The following GRIA4 variants were observed in gnomAD, a reference collection of about 807,000 sequenced individuals.
GRIA4 encodes glutamate ionotropic receptor AMPA type subunit 4.
GRIA4 carries 34 observed loss-of-function variants against 104.0 expected under a neutral mutation model. The observed-to-expected ratio is 0.33, with a 90% CI of 0.25 to 0.44. GRIA4 has a LOEUF of 0.44. Among genes scored for constraint, GRIA4 ranks in the 20% least tolerant of loss-of-function variants. GRIA4 has a pLI of 1.00. For synonymous variants in GRIA4, 386 were observed against 381.9 expected (o/e 1.01, Z -0.13); for missense variants, 750 against 1,096.5 (o/e 0.68, Z 4.46).
At chr11:105,829,680 G>C (rs1943903635) in intron 4 of GRIA4, among the ~76,000 whole-genome samples, 1 of 151,956 alleles carries the variant, frequency 6.6e-6, no homozygotes, top group East Asian at 1.9e-4. Flanking sequence ...AGAGGTGCTG[G>C]TGTCTGTTTG....
At chr11:105,760,260 AC>A (rs918105153) in intron 4 of GRIA4, among the ~76,000 whole-genome samples, 1 of 152,108 alleles carries the variant, frequency 6.6e-6, no homozygotes, top group African/African-American at 2.4e-5. Flanking sequence ...ACCGTATCTA[AC>A]CAATCATTAA....
intron 5 of GRIA4, among the ~76,000 whole-genome samples, chr11:105,876,834 T>C (rs1945845236): frequency 6.6e-6 from 1 of 152,202 alleles, no homozygotes; most frequent in African/African-American, 2.4e-5. Context: ...GGTCGCTGAA[T>C]ACAGCACACC....
intron 16 of GRIA4, among the ~76,000 whole-genome samples, chr11:105,978,849 T>A (rs1192472582): frequency 6.6e-6 from 1 of 152,228 alleles, no homozygotes; most frequent in Non-Finnish European, 1.5e-5. Context: ...TGTAATGTGA[T>A]AAGGAGCAGG....
chr11:105,866,919 A>G (rs1945441017), intron 5 of GRIA4, among the ~76,000 whole-genome samples: 1 of 152,094 alleles, frequency 6.6e-6, no homozygotes, highest in African/African-American at 2.4e-5. Flanking sequence ...GATAGTAAGG[A>G]CTGACCTTAG....
rs373309658 is a variant in GRIA4 at position 105,646,293 on chromosome 11, T to C, written c.247+33859T>C. 2.6e-5 allele frequency among the ~76,000 whole-genome samples: 4 copies of C among 152,252 alleles called. No individual in the cohort carries two copies. In the East Asian group the frequency reaches 7.7e-4, roughly 29 times the overall value. ...ATTGAAGATTCAGAGGAAAATATAA[T>C]TGTTTACACAGTAATTCAAGATGGA... is the stretch of plus-strand genomic sequence containing the variant. On this transcript the variant is annotated intron_variant, in intron 3 of 16. Coordinates refer to ENST00000282499, the MANE Select transcript of GRIA4 (RefSeq NM_000829.4).
intron 3 of GRIA4, among the ~76,000 whole-genome samples, chr11:105,615,061 G>C (rs1000806528): frequency 6.6e-5 from 10 of 151,850 alleles, no homozygotes; most frequent in African/African-American, 2.2e-4. Flanking sequence ...TATGTGGCTG[G>C]TTAAGTTTAT....
At chr11:105,874,207 G>T (rs1311781370) in intron 5 of GRIA4, among the ~76,000 whole-genome samples, 2 of 152,140 alleles carry the variant, frequency 1.3e-5, no homozygotes, top group Non-Finnish European at 2.9e-5. Flanking sequence ...TGTAAGGTTT[G>T]TCAAAGATCA....
chr11:105,825,872 C>T (rs540857439), intron 4 of GRIA4, among the ~76,000 whole-genome samples: 4 of 152,096 alleles, frequency 2.6e-5, no homozygotes, highest in South Asian at 2.1e-4. Flanking sequence ...ATATATTCTG[C>T]GTGGAAGCTG....
intron 5 of GRIA4, among the ~76,000 whole-genome samples, chr11:105,870,701 A>G (rs1233166780): frequency 6.6e-6 from 1 of 152,058 alleles, no homozygotes; most frequent in African/African-American, 2.4e-5. Flanking sequence ...ATGTGGATGG[A>G]GCCTAACCAC....
At chr11:105,911,571 A>G (rs1476365516) in intron 10 of GRIA4, among the ~76,000 whole-genome samples, 1 of 151,236 alleles carries the variant, frequency 6.6e-6, no homozygotes, top group East Asian at 1.9e-4. Context: ...AAGTGATATT[A>G]AGGTTAAAGC....
chr11:105,817,828 T>C (rs1436128528), intron 4 of GRIA4, among the ~76,000 whole-genome samples: 1 of 152,082 alleles, frequency 6.6e-6, no homozygotes, highest in Non-Finnish European at 1.5e-5. Flanking sequence ...CAGAACCATA[T>C]TATTACAACA....
At chr11:105,810,426 G>C (rs1377449701) in intron 4 of GRIA4, among the ~76,000 whole-genome samples, 1 of 152,120 alleles carries the variant, frequency 6.6e-6, no homozygotes, top group Non-Finnish European at 1.5e-5. Flanking sequence ...GCCACTATTG[G>C]AGAGGACCTA....
At chr11:105,684,441 A>T (rs565734241) in intron 3 of GRIA4, among the ~76,000 whole-genome samples, 1 of 151,738 alleles carries the variant, frequency 6.6e-6, no homozygotes, top group East Asian at 1.9e-4. Flanking sequence ...GCTAAAATAA[A>T]GTTAGATGAG....
intron 14 of GRIA4, among the ~76,000 whole-genome samples, chr11:105,970,473 A>G (rs1053510613): frequency 6.6e-6 from 1 of 152,180 alleles, no homozygotes; most frequent in African/African-American, 2.4e-5. Flanking sequence ...TCGCTGTGTA[A>G]CTTGCTGAAT....
chr11:105,960,126 G>A lies in GRIA4; in HGVS notation c.2295-11788G>A, dbSNP rs183737737. The stretch of plus-strand genomic sequence containing the variant: ...CAGGGAGCAGGACCTATTCAATGAA[G>A]CACTTTGTCCCTTGGTGGAGAGGGT... On this transcript the variant is annotated intron_variant, in intron 14 of 16. Coordinates refer to ENST00000282499, the MANE Select transcript of GRIA4 (RefSeq NM_000829.4). Among the ~76,000 whole-genome samples, 224 of 152,354 alleles carry A rather than the reference G, an allele frequency of 1.5e-3. 1 individual carries two copies. Among genetic ancestry groups the A allele is most frequent in the South Asian group, 2.9e-3 (14 of 4,832 alleles).
intron 3 of GRIA4, among the ~76,000 whole-genome samples, chr11:105,640,643 G>T (rs1264110567): frequency 6.6e-6 from 1 of 151,692 alleles, no homozygotes; most frequent in Non-Finnish European, 1.5e-5. Context: ...ACAATTTTAA[G>T]TAACAATTTG....
chr11:105,667,143 GA>G (rs1439100772), intron 3 of GRIA4, among the ~76,000 whole-genome samples: 1 of 151,750 alleles, frequency 6.6e-6, no homozygotes, highest in African/African-American at 2.4e-5. Context: ...TTTTAATTAA[GA>G]AAAACAATTA....
intron 10 of GRIA4, chr11:105,912,237 A>G (rs1947272313): frequency 1.0e-6 from 1 of 983,766 alleles, no homozygotes; most frequent in Non-Finnish European, 1.2e-6. Context: ...TAGATTTTCT[A>G]TAAGTAAATA....
At chr11:105,854,588 T>G (rs1375991487) in intron 4 of GRIA4, among the ~76,000 whole-genome samples, 1 of 152,118 alleles carries the variant, frequency 6.6e-6, no homozygotes, top group Non-Finnish European at 1.5e-5. Flanking sequence ...AAAAGACATG[T>G]AAAGAGGCAT....
Sources: gnomAD v4.1 joint callset for allele counts (sites outside exome capture counted in the v4.1 genomes callset) on GRCh38, gnomAD v4.1.1 for gene constraint, MANE v1.5 for transcripts, NCBI Gene and HGNC (gene_info 2026-07-23, HGNC 2026-07-21) for gene names.